Variants in LEKR1 observed in about 807,000 individuals in gnomAD.
The protein encoded by LEKR1 is protein LEKR1.
In LEKR1, 59 loss-of-function variants were observed where a neutral mutation model predicts 72.4. The observed-to-expected ratio is 0.82, with a 90% CI of 0.66 to 1.01. LEKR1 has a LOEUF of 1.01. Ranked by LOEUF, LEKR1 falls within the 50% of genes least tolerant of loss-of-function variation. The probability of loss-of-function intolerance (pLI) is 0.00; values close to 1 mark genes in which losing one functional copy is unlikely to be tolerated. For synonymous variants in LEKR1, 257 were observed against 263.2 expected, an observed-to-expected ratio of 0.98 and a Z score of 0.23; for missense variants, 728 against 759.2, an observed-to-expected ratio of 0.96 and a Z score of 0.48.
chr3:156,898,193 G>A (rs1721399637), intron 3 of LEKR1, among the ~76,000 whole-genome samples: 1 of 152,116 alleles, frequency 6.6e-6, no homozygotes, highest in Non-Finnish European at 1.5e-5. Flanking sequence ...GCCATTTCAA[G>A]TTATGGCAAG....
chr3:156,827,865 G>A (rs973908785), intron 1 of LEKR1, among the ~76,000 whole-genome samples: 1 of 152,098 alleles, frequency 6.6e-6, no homozygotes, highest in Admixed American at 6.5e-5. Flanking sequence ...TAACTTTATG[G>A]GTGAAATTTT....
At chr3:156,922,654 G>A (rs1724319928) in intron 4 of LEKR1, among the ~76,000 whole-genome samples, 1 of 152,086 alleles carries the variant, frequency 6.6e-6, no homozygotes, top group South Asian at 2.1e-4. Context: ...CCTGTGTCTT[G>A]CAAGGGCTCA....
intron 8 of LEKR1, 62 bp from the exon 9 acceptor site, chr3:156,993,012 T>C (rs1731258374): frequency 7.2e-6 from 6 of 835,196 alleles, no homozygotes; most frequent in South Asian, 7.1e-5. Flanking sequence ...GATACATCTT[T>C]GGTAAATATA....
chr3:156,906,417 C>T (rs1722541120), intron 3 of LEKR1, among the ~76,000 whole-genome samples: 1 of 152,130 alleles, frequency 6.6e-6, no homozygotes, highest in African/African-American at 2.4e-5. Flanking sequence ...TGCAAGTCAT[C>T]TAACTCCCAG....
chr3:156,858,636 C>T (rs954777964), intron 3 of LEKR1, among the ~76,000 whole-genome samples: 1 of 149,940 alleles, frequency 6.7e-6, no homozygotes, highest in Non-Finnish European at 1.5e-5. Context: ...AATCATGCCA[C>T]TACATTCCAG....
At chr3:156,929,497 G>T (rs1236487794) in intron 5 of LEKR1, among the ~76,000 whole-genome samples, 1 of 152,108 alleles carries the variant, frequency 6.6e-6, no homozygotes, top group Non-Finnish European at 1.5e-5. Context: ...GACAATAGCA[G>T]CATTAAGTTC....
At chr3:157,009,528 T>C (rs114632945) in intron 9 of LEKR1, among the ~76,000 whole-genome samples, 2,922 of 152,246 alleles carry the variant, frequency 0.019, 88 homozygotes, top group African/African-American at 0.067. Flanking sequence ...TTTCCACTAA[T>C]TGTGTACAAG....
chr3:156,866,470 CA>C (rs1222552678), intron 3 of LEKR1, among the ~76,000 whole-genome samples: 3 of 151,970 alleles, frequency 2.0e-5, no homozygotes, highest in African/African-American at 7.2e-5. Context: ...TTAAGAAAGA[CA>C]GAAGAATTCT....
intron 3 of LEKR1, among the ~76,000 whole-genome samples, chr3:156,900,610 C>T (rs1721931962): frequency 6.6e-6 from 1 of 152,070 alleles, no homozygotes; most frequent in South Asian, 2.1e-4. Flanking sequence ...ACTTCCAATG[C>T]AAAGATATAG....
At chr3:156,933,646 G>C (rs1188856409) in intron 5 of LEKR1, among the ~76,000 whole-genome samples, 1 of 152,088 alleles carries the variant, frequency 6.6e-6, no homozygotes, top group Non-Finnish European at 1.5e-5. Flanking sequence ...GAATTGGAGA[G>C]ACATCAGCTC....
In LEKR1 at chr3:156,980,332, G is replaced by A. The variant is rs533304887; in HGVS notation, c.827+1057G>A. 4.5e-4 allele frequency among the ~76,000 whole-genome samples: 69 copies of A among 152,218 alleles called. 3 individuals carry two copies. The South Asian group carries it at 0.014, about 31-fold the overall frequency. ...ACCAAAAATACCCTATCAAATTAAT[G>A]TATACTTGGATTATTTGTAACAAAA... On this transcript the variant is annotated intron_variant, in intron 7 of 12. Coordinates refer to ENST00000356539, the MANE Select transcript of LEKR1 (RefSeq NM_001004316.3).
chr3:156,938,745 CTAT>C (rs980745939), intron 5 of LEKR1, among the ~76,000 whole-genome samples: 12 of 152,160 alleles, frequency 7.9e-5, no homozygotes, highest in Admixed American at 7.9e-4. Context: ...ATCTTTTTCC[CTAT>C]TATTGTAATA....
chr3:156,972,123 A>G lies in LEKR1; in HGVS notation c.746-7071A>G, dbSNP rs187072983. On this transcript the variant is annotated intron_variant, in intron 6 of 12. Coordinates refer to ENST00000356539, the MANE Select transcript of LEKR1 (RefSeq NM_001004316.3). The stretch of plus-strand genomic sequence containing the variant: ...CCAACTATTATAGACTGGATTAAGA[A>G]AATATGGCACATATACACCATGGAA... Among the ~76,000 whole-genome samples, 138 of 152,356 alleles carry G rather than the reference A, an allele frequency of 9.1e-4. 1 individual carries two copies. In the Middle Eastern group the frequency reaches 0.014, roughly 15 times the overall value.
chr3:156,990,636 A>G (rs1400332526), intron 7 of LEKR1, among the ~76,000 whole-genome samples: 1 of 152,130 alleles, frequency 6.6e-6, no homozygotes, highest in Non-Finnish European at 1.5e-5. Flanking sequence ...CAGACTCATC[A>G]ATTCCTTTCT....
At chr3:156,904,115 T>C (rs1037118013) in intron 3 of LEKR1, among the ~76,000 whole-genome samples, 2 of 152,164 alleles carry the variant, frequency 1.3e-5, no homozygotes, top group Non-Finnish European at 2.9e-5. Context: ...AGAAGAATAT[T>C]TACCAACGCC....
At chr3:156,935,107 A>G (rs1008359840) in intron 5 of LEKR1, among the ~76,000 whole-genome samples, 3 of 152,128 alleles carry the variant, frequency 2.0e-5, no homozygotes, top group Non-Finnish European at 2.9e-5. Flanking sequence ...TACATTTTAT[A>G]TTTTATCAAA....
chr3:157,030,811 T>C (rs1238042444), intron 12 of LEKR1, among the ~76,000 whole-genome samples: 1 of 152,174 alleles, frequency 6.6e-6, no homozygotes, highest in African/African-American at 2.4e-5. Flanking sequence ...ATATGGTTTT[T>C]GGCAGAATGT....
chr3:156,881,541 G>A (rs905655287), intron 3 of LEKR1, among the ~76,000 whole-genome samples: 7 of 151,188 alleles, frequency 4.6e-5, no homozygotes, highest in African/African-American at 1.5e-4. Context: ...CTCATGGGTA[G>A]GAAGAATCAA....
chr3:157,028,951 CATTTTTGAAAGTCTT>C (rs1734404180), intron 12 of LEKR1, among the ~76,000 whole-genome samples: 1 of 152,072 alleles, frequency 6.6e-6, no homozygotes, highest in Non-Finnish European at 1.5e-5. Context: ...GATTTGAAAA[CATTTTTGAAAGTCTT>C]ATGTCTGAAC....
Sources: allele counts gnomAD v4.1 joint callset (sites outside exome capture counted in the v4.1 genomes callset), GRCh38; gene constraint gnomAD v4.1.1; transcripts MANE v1.5; gene names NCBI Gene and HGNC (gene_info 2026-07-23, HGNC 2026-07-21).